The following GRIK4 variants were observed in gnomAD, a reference collection of about 807,000 sequenced individuals.
GRIK4 encodes the protein glutamate receptor ionotropic, kainate 4.
In GRIK4, 40 loss-of-function variants were observed where a neutral mutation model predicts 104.9. The observed-to-expected ratio is 0.38, with a 90% CI of 0.30 to 0.50. The LOEUF (loss-of-function observed/expected upper bound fraction) is 0.50, where lower values mean the gene tolerates loss of function less well. Among genes scored for constraint, GRIK4 ranks in the 20% least tolerant of loss-of-function variants. The pLI, the probability that GRIK4 is intolerant of heterozygous loss-of-function variation, is 0.93. For synonymous variants in GRIK4, 485 were observed against 524.9 expected, an observed-to-expected ratio of 0.92 and a Z score of 1.04; for missense variants, 1,047 against 1,308.1, an observed-to-expected ratio of 0.80 and a Z score of 3.08.
intron 14 of GRIK4, among the ~76,000 whole-genome samples, chr11:120,948,700 T>C (rs1475426055): frequency 6.6e-6 from 1 of 152,202 alleles, no homozygotes; most frequent in South Asian, 2.1e-4. Context: ...AGAGAAAGTA[T>C]AGTATTTCTT....
At chr11:120,724,663 A>G (rs76563941) in intron 3 of GRIK4, among the ~76,000 whole-genome samples, 2,484 of 152,336 alleles carry the variant, frequency 0.016, 59 homozygotes, top group African/African-American at 0.056. Flanking sequence ...CTGTTTATAA[A>G]TGTCTAAGCC....
chr11:120,879,006 T>C (rs1954891927), intron 11 of GRIK4, among the ~76,000 whole-genome samples: 1 of 152,190 alleles, frequency 6.6e-6, no homozygotes, highest in Admixed American at 6.5e-5. Context: ...ACATGCGCAC[T>C]TTGCACAAAT....
In GRIK4 at chr11:120,549,445, T is replaced by C. The variant is rs981983665; in HGVS notation, c.-159+37558T>C. Among the ~76,000 whole-genome samples the C allele has an allele frequency of 4.6e-5, 7 of 152,136 alleles. No homozygotes were observed. Among genetic ancestry groups the C allele is most frequent in the African/African-American group, 1.7e-4 (7 of 41,442 alleles). On this transcript the variant is annotated intron_variant, in intron 1 of 20. Coordinates refer to ENST00000527524, the MANE Select transcript of GRIK4 (RefSeq NM_014619.5). The surrounding 1 kb of genome is among the most constrained non-coding windows in gnomAD (Gnocchi z 4.7). ...ATAGAAGGAACATGTCCCCGTGTGG[T>C]ACCATTGTTGATGTGGACAGACACA...
intron 3 of GRIK4, among the ~76,000 whole-genome samples, chr11:120,717,946 C>T (rs192682096): frequency 8.5e-5 from 13 of 152,228 alleles, no homozygotes; most frequent in South Asian, 4.1e-4. Context: ...CCTCCCTGCC[C>T]GCGTCTGTAA....
chr11:120,874,853 G>A (rs1954734277), intron 10 of GRIK4, among the ~76,000 whole-genome samples: 1 of 152,200 alleles, frequency 6.6e-6, no homozygotes, highest in Admixed American at 6.5e-5. Flanking sequence ...GGGCTGAGGG[G>A]AATCTGAGCT....
chr11:120,787,752 C>G (rs1016302761), intron 3 of GRIK4, among the ~76,000 whole-genome samples: 1 of 151,652 alleles, frequency 6.6e-6, no homozygotes, highest in African/African-American at 2.4e-5. Context: ...TGTGAGCCAC[C>G]GCACCTGGCC....
At chr11:120,745,824 G>A (rs1401929698) in intron 3 of GRIK4, among the ~76,000 whole-genome samples, 2 of 152,208 alleles carry the variant, frequency 1.3e-5, no homozygotes, top group African/African-American at 2.4e-5. Context: ...AGAACATTTA[G>A]CCTCACTCCC....
At chr11:120,645,577 C>A (rs1949532204) in intron 1 of GRIK4, among the ~76,000 whole-genome samples, 1 of 152,152 alleles carries the variant, frequency 6.6e-6, no homozygotes, top group African/African-American at 2.4e-5. Context: ...GATGGGACTT[C>A]AATGCCAGAA....
intron 13 of GRIK4, among the ~76,000 whole-genome samples, chr11:120,921,212 G>A (rs1178966993): frequency 6.6e-6 from 1 of 152,088 alleles, no homozygotes; most frequent in Admixed American, 6.5e-5. Context: ...TGCTTATTAT[G>A]GGACTATGTG....
intron 1 of GRIK4, among the ~76,000 whole-genome samples, chr11:120,528,857 G>GAC (rs1300061039): frequency 6.6e-6 from 1 of 152,154 alleles, no homozygotes; most frequent in African/African-American, 2.4e-5. Flanking sequence ...TTCCTCCCAC[G>GAC]ACACATGGGA....
At position 120,961,023 on chromosome 11, in the gene GRIK4, C is replaced by T. The variant is rs151265599; in HGVS notation, c.1989C>T (p.Thr663=). 1.1e-4 allele frequency: 185 copies of T among 1,613,994 alleles called. No homozygotes were observed. In the African/African-American group the frequency reaches 1.3e-3, roughly 11 times the overall value. ...CAGTGGATGACCTGGCTGACCAGAC[C>T]GCCATTGAATATGGCACAATTCACG... ...IESVDDLADQ[T]AIEYGTIHGG... The change falls in exon 17 of 21, where the codon ACC becomes ACT. Residue 663 remains threonine, a synonymous_variant. Transcript: ENST00000527524.
At chr11:120,653,541 G>T (rs1949651037) in intron 1 of GRIK4, 144 bp from the exon 2 acceptor site, 1 of 152,242 alleles carries the variant, frequency 6.6e-6, no homozygotes, top group South Asian at 2.1e-4. Context: ...GTCAAAGGAG[G>T]AGAGCCTGCA....
chr11:120,695,221 G>A (rs965871484), intron 3 of GRIK4, among the ~76,000 whole-genome samples: 1 of 152,240 alleles, frequency 6.6e-6, no homozygotes, highest in Non-Finnish European at 1.5e-5. Context: ...GAGTTTGCCA[G>A]CTATAGGGCC....
intron 18 of GRIK4, among the ~76,000 whole-genome samples, chr11:120,966,415 G>A (rs756364075): frequency 3.3e-5 from 5 of 152,072 alleles, no homozygotes; most frequent in Non-Finnish European, 7.4e-5. Flanking sequence ...TTCTGTTGCC[G>A]AGGCTGGAGT....
intron 3 of GRIK4, among the ~76,000 whole-genome samples, chr11:120,664,833 C>T (rs886997764): frequency 7.9e-5 from 12 of 152,160 alleles, no homozygotes; most frequent in African/African-American, 2.7e-4. Flanking sequence ...ATGGGGATTT[C>T]AGGGCTCAGT....
intron 1 of GRIK4, among the ~76,000 whole-genome samples, chr11:120,615,487 G>A (rs1024247541): frequency 5.3e-5 from 8 of 152,210 alleles, no homozygotes; most frequent in East Asian, 3.8e-4. Context: ...GAGGAATGTC[G>A]TAGCCCCTCA....
Position 120,903,115 on chromosome 11 carries a change from T to C in GRIK4, c.1273-2175T>C, listed in dbSNP as rs986961546. Among the ~76,000 whole-genome samples, 1 of 152,046 alleles carries C rather than the reference T, an allele frequency of 6.6e-6. No individual in the cohort carries two copies. Among genetic ancestry groups the C allele is most frequent in the South Asian group, 2.1e-4 (1 of 4,814 alleles). ...CGAGCTCAGCCCATCAGGATTTCAG[T>C]GCTTTCCTCTCTGGGCTCCTAGAAT... On this transcript the variant is annotated intron_variant, in intron 12 of 20. Transcript: ENST00000527524. The surrounding 1 kb of genome is among the most constrained non-coding windows in gnomAD (Gnocchi z 4.4).
intron 8 of GRIK4, among the ~76,000 whole-genome samples, chr11:120,861,241 TG>T (rs1171936494): frequency 6.6e-6 from 1 of 151,854 alleles, no homozygotes; most frequent in Non-Finnish European, 1.5e-5. Flanking sequence ...CCCAAGTAGC[TG>T]GGATTACAGG....
chr11:120,629,263 T>C (rs552773912), intron 1 of GRIK4, among the ~76,000 whole-genome samples: 1 of 152,332 alleles, frequency 6.6e-6, no homozygotes, highest in East Asian at 1.9e-4. Flanking sequence ...GAAATATCCA[T>C]GTGGCCTTGA....
Sources: gnomAD v4.1 joint callset for allele counts (sites outside exome capture counted in the v4.1 genomes callset) on GRCh38, gnomAD v4.1.1 for gene constraint, Gnocchi (gnomAD v3.1) non-coding constraint, MANE v1.5 for transcripts, NCBI Gene and HGNC (gene_info 2026-07-23, HGNC 2026-07-21) for gene names.